OSBPL2: variants seen among roughly 807,000 people sequenced by gnomAD.
OSBPL2 encodes oxysterol-binding protein-related protein 2.
In OSBPL2, 18 loss-of-function variants were observed where a neutral mutation model predicts 58.4. That is an observed-to-expected ratio of 0.31 (90% CI 0.21 to 0.46). The LOEUF is 0.46. OSBPL2 is among the 20% of genes least tolerant of loss of function. The pLI, the probability that OSBPL2 is intolerant of heterozygous loss-of-function variation, is 1.00. For synonymous variants in OSBPL2, 221 were observed against 234.1 expected (o/e 0.94, Z 0.51); for missense variants, 461 against 616.5 (o/e 0.75, Z 2.67).
At chr20:62,268,934 G>A (rs974489704) in intron 4 of OSBPL2, among the ~76,000 whole-genome samples, 28 of 152,234 alleles carry the variant, frequency 1.8e-4, no homozygotes, top group African/African-American at 6.5e-4. Context: ...GTGCATGCCT[G>A]TAATCCCAGC....
intron 4 of OSBPL2, among the ~76,000 whole-genome samples, chr20:62,270,478 G>A (rs1232387710): frequency 3.4e-5 from 3 of 88,434 alleles, no homozygotes; most frequent in African/African-American, 1.3e-4. Flanking sequence ...TCCCTCTCTG[G>A]GTCCTCTCCT....
chr20:62,241,794 G>A (rs1291984107), intron 1 of OSBPL2, among the ~76,000 whole-genome samples: 1 of 152,260 alleles, frequency 6.6e-6, no homozygotes, highest in East Asian at 1.9e-4. Context: ...GAGCCTCTCA[G>A]CAGTGCAGCA....
chr20:62,279,550 C>T (rs781767842), intron 7 of OSBPL2: 331 of 576,310 alleles, frequency 5.7e-4, no homozygotes, highest in Middle Eastern at 1.8e-3. Flanking sequence ...TTGGAATTCG[C>T]CCCCCTTTCG....
At chr20:62,292,018 TGGTTCCCACTGCCCA>T (rs1983555644) in intron 13 of OSBPL2, among the ~76,000 whole-genome samples, 1 of 152,172 alleles carries the variant, frequency 6.6e-6, no homozygotes, top group Non-Finnish European at 1.5e-5. Context: ...CTGACCCATG[TGGTTCCCACTGCCCA>T]GGTAAGAGCC....
chr20:62,284,337 C>A, intron 10 of OSBPL2, 168 bp downstream of exon 10: 1 of 685,478 alleles, frequency 1.5e-6, no homozygotes, highest in Non-Finnish European at 2.5e-6. Flanking sequence ...ATTGTGGGTT[C>A]CAGTATCAGT....
intron 4 of OSBPL2, among the ~76,000 whole-genome samples, chr20:62,266,798 A>T (rs1486059926): frequency 6.6e-6 from 1 of 152,134 alleles, no homozygotes; most frequent in Non-Finnish European, 1.5e-5. Context: ...ATACTTTAGA[A>T]AATAACTTTA....
At position 62,289,241 on chromosome 20, in the gene OSBPL2, A is replaced by G. The variant is rs1477978395; in HGVS notation, c.1160A>G (p.Asn387Ser). 3 of 1,613,876 alleles carry G rather than the reference A, an allele frequency of 1.9e-6. No individual in the cohort carries two copies. The highest frequency in any genetic ancestry group is 2.2e-5 in the East Asian group (1 of 44,890). The change falls in exon 12 of 14, where the codon AAC becomes AGC. Residue 387 changes from asparagine (N) to serine (S), a missense_variant. Transcript: ENST00000313733. Reference protein sequence around the residue: ...YNFTSFTVSLNELETGMEKTL... With the variant: ...YNFTSFTVSLSELETGMEKTL... ...TTCACCAGTTTCACTGTGAGCCTCA[A>G]CGAGCTGGAGACAGGCATGGAGAAG... is the stretch of plus-strand genomic sequence containing the variant.
At chr20:62,263,138 G>A (rs1039113590) in intron 3 of OSBPL2, among the ~76,000 whole-genome samples, 2 of 152,200 alleles carry the variant, frequency 1.3e-5, no homozygotes, top group Non-Finnish European at 2.9e-5. Context: ...CCTTGCAGCC[G>A]ACTGGAAGAT....
chr20:62,252,873 C>A (rs1381777663), intron 1 of OSBPL2, among the ~76,000 whole-genome samples: 1 of 152,222 alleles, frequency 6.6e-6, no homozygotes, highest in African/African-American at 2.4e-5. Context: ...CATGGGCACT[C>A]ATCCTTGCCC....
At chr20:62,263,419 C>T (rs1475268297) in intron 3 of OSBPL2, among the ~76,000 whole-genome samples, 197 bp from the exon 4 acceptor site, 2 of 152,164 alleles carry the variant, frequency 1.3e-5, no homozygotes, top group African/African-American at 4.8e-5. Context: ...ATGACCATTC[C>T]CAGGAAGCCC....
At chr20:62,289,124 T>A in intron 11 of OSBPL2, 83 bp from the exon 12 acceptor site, 2 of 1,511,980 alleles carry the variant, frequency 1.3e-6, no homozygotes, top group Non-Finnish European at 1.8e-6. Flanking sequence ...CTGCGGGATT[T>A]CAGGGGCCCA....
chr20:62,249,749 T>C (rs1439623951), intron 1 of OSBPL2, among the ~76,000 whole-genome samples: 3 of 152,064 alleles, frequency 2.0e-5, no homozygotes. Context: ...TAATTTTGTA[T>C]TTTTAGTAGA....
At chr20:62,251,966 TG>T (rs1460013899) in intron 1 of OSBPL2, among the ~76,000 whole-genome samples, 2 of 138,970 alleles carry the variant, frequency 1.4e-5, no homozygotes, top group Non-Finnish European at 3.1e-5. Flanking sequence ...ACTGCAACCT[TG>T]ATGTCCCAGG....
At position 62,294,071 on chromosome 20, in the gene OSBPL2, C is replaced by A; in HGVS notation, c.*184C>A. 1 of 758,884 alleles carries A rather than the reference C, an allele frequency of 1.3e-6. No individual in the cohort carries two copies. The highest frequency in any genetic ancestry group is 2.0e-6 in the Non-Finnish European group (1 of 493,674). The allele number at this position is 758,884 out of a possible 1,614,324, so 47.0% of individuals were successfully genotyped here. ...GTTGATTGCCAAACATTTCACTCTG[C>A]TGTGCCGTCTCTTCATAAAGCTTCA... On this transcript the variant is annotated 3_prime_UTR_variant, in exon 14 of 14. Transcript: ENST00000313733.
chr20:62,243,278 G>A (rs1054854652), intron 1 of OSBPL2, among the ~76,000 whole-genome samples: 1 of 152,212 alleles, frequency 6.6e-6, no homozygotes, highest in Non-Finnish European at 1.5e-5. Flanking sequence ...GCAGAGCTGG[G>A]AGTCTCGCTG....
chr20:62,249,224 CA>C lies in OSBPL2; in HGVS notation c.-128-6823del, dbSNP rs368125751. On this transcript the variant is annotated intron_variant, in intron 1 of 13. Transcript: ENST00000313733. ...GCCAAGGAAGTGCCCCCCAACCCCC[CA>C]AAAAAAAAATCTCACTGGAGAAGGA... 6.9e-3 allele frequency among the ~76,000 whole-genome samples: 1,036 copies of C among 149,368 alleles called. 11 individuals carry two copies. Among genetic ancestry groups the C allele is most frequent in the African/African-American group, 0.02 (833 of 40,840 alleles).
Position 62,286,698 on chromosome 20 carries a change from C to G in OSBPL2, c.1112C>G (p.Pro371Arg). The G allele has an allele frequency of 6.2e-7, 1 of 1,612,602 alleles. No individual in the cohort carries two copies. The highest frequency in any genetic ancestry group is 8.5e-7 in the Non-Finnish European group (1 of 1,179,214). Residue 371 changes from proline to arginine, a missense_variant, in exon 11 of 14, where the codon CCC (proline) becomes CGC (arginine). This residue lies in a region of OSBPL2 where 319 missense variants were observed against 419.2 expected (regional missense o/e 0.76). Transcript: ENST00000313733. ...CTCTGGAGGATCAACACCCGGCCCC[C>G]CAACTCTGCCCAGGTCTGTGTCCCT... ...KLLWRINTRP[P>R]NSAQMYNFTS...
chr20:62,240,956 C>T (rs545388202), intron 1 of OSBPL2, among the ~76,000 whole-genome samples: 8 of 152,310 alleles, frequency 5.3e-5, no homozygotes, highest in African/African-American at 1.9e-4. Flanking sequence ...CTGAGGTCTC[C>T]GTTCTGAGTT....
At chr20:62,272,100 C>G (rs1982101872) in intron 4 of OSBPL2, 25 bp from the exon 5 acceptor site, 1 of 1,612,860 alleles carries the variant, frequency 6.2e-7, no homozygotes, top group Non-Finnish European at 8.5e-7. Flanking sequence ...CAGCAGTAAC[C>G]AGCGAGTCTT....
Sources: allele counts gnomAD v4.1 joint callset (sites outside exome capture counted in the v4.1 genomes callset), GRCh38; gene constraint gnomAD v4.1.1; regional missense constraint gnomAD v4.1.1; transcripts MANE v1.5; gene names NCBI Gene and HGNC (gene_info 2026-07-23, HGNC 2026-07-21).